The following VAMP4 variants were observed in gnomAD, a reference collection of about 807,000 sequenced individuals.
VAMP4 encodes vesicle associated membrane protein 4.
Under a neutral mutation model 23.5 loss-of-function variants are expected in VAMP4, and 19 were observed. The observed-to-expected ratio is 0.81, with a 90% CI of 0.56 to 1.19. The LOEUF is 1.19. Ranked by LOEUF, VAMP4 falls within the 50% of genes most tolerant of loss-of-function variation. The pLI, the probability that VAMP4 is intolerant of heterozygous loss-of-function variation, is 0.00. For synonymous variants in VAMP4, 31 were observed against 51.0 expected, an observed-to-expected ratio of 0.61 and a Z score of 1.67; for missense variants, 145 against 168.6, an observed-to-expected ratio of 0.86 and a Z score of 0.78.
intron 5 of VAMP4, among the ~76,000 whole-genome samples, 170 bp downstream of exon 5, chr1:171,710,544 A>G (rs1045610078): frequency 6.6e-6 from 1 of 152,104 alleles, no homozygotes; most frequent in Non-Finnish European, 1.5e-5. Context: ...AAATAATGAA[A>G]CAATAAGATG....
At chr1:171,714,226 T>A (rs1273419964) in intron 4 of VAMP4, among the ~76,000 whole-genome samples, 1 of 152,142 alleles carries the variant, frequency 6.6e-6, no homozygotes, top group Non-Finnish European at 1.5e-5. Flanking sequence ...TGGAGATAGT[T>A]TGGTTTACAA....
chr1:171,738,590 C>G (rs1286923276), intron 1 of VAMP4, 127 bp from the exon 2 acceptor site: 2 of 608,508 alleles, frequency 3.3e-6, no homozygotes, highest in African/African-American at 3.8e-5. Context: ...TTCCTGCCCT[C>G]TCACTTGTTC....
chr1:171,707,794 A>G (rs1654705181), intron 6 of VAMP4, among the ~76,000 whole-genome samples: 1 of 152,100 alleles, frequency 6.6e-6, no homozygotes. Context: ...TCCTCCTTAA[A>G]AGCACGCTAT....
intron 3 of VAMP4, among the ~76,000 whole-genome samples, chr1:171,722,880 T>G (rs1655240508): frequency 6.6e-6 from 1 of 152,106 alleles, no homozygotes; most frequent in Non-Finnish European, 1.5e-5. Flanking sequence ...AGAAATACCA[T>G]TTGACCCAGC....
intron 7 of VAMP4, among the ~76,000 whole-genome samples, chr1:171,705,708 CATAAT>C (rs1654626428): frequency 6.6e-6 from 1 of 152,042 alleles, no homozygotes; most frequent in African/African-American, 2.4e-5. Context: ...AATATAACAG[CATAAT>C]ATAATTTTTC....
intron 1 of VAMP4, among the ~76,000 whole-genome samples, chr1:171,739,106 T>C (rs945597286): frequency 1.3e-5 from 2 of 152,150 alleles, no homozygotes; most frequent in African/African-American, 2.4e-5. Flanking sequence ...GCTAATAAGA[T>C]GACTGGTAGC....
chr1:171,712,848 A>G (rs1168370400), intron 4 of VAMP4, among the ~76,000 whole-genome samples: 1 of 152,228 alleles, frequency 6.6e-6, no homozygotes, highest in African/African-American at 2.4e-5. Flanking sequence ...AACAAAACAG[A>G]TGATAATCCC....
In VAMP4 at chr1:171,731,609, C is replaced by A. The variant is rs555630210; in HGVS notation, c.67-3039G>T. 2.2e-3 allele frequency among the ~76,000 whole-genome samples: 340 copies of A among 152,254 alleles called. 2 individuals are homozygous for A. The highest frequency in any genetic ancestry group is 4.1e-3 in the Non-Finnish European group (279 of 68,008). ...TCAGGGTGAAGAGCATTCATTGCTG[C>A]AGGACTAGATGGCTGGCACAGAAAA... is the stretch of plus-strand genomic sequence containing the variant. On this transcript the variant is annotated intron_variant, in intron 2 of 7. Transcript: ENST00000236192.
chr1:171,726,821 C>CA (rs1558112259), intron 3 of VAMP4, among the ~76,000 whole-genome samples: 1 of 151,804 alleles, frequency 6.6e-6, no homozygotes, highest in African/African-American at 2.4e-5. Flanking sequence ...CTGATGCCAT[C>CA]AAAATCAAAA....
chr1:171,712,793 G>A (rs576212655), intron 4 of VAMP4, among the ~76,000 whole-genome samples: 102 of 152,280 alleles, frequency 6.7e-4, no homozygotes, highest in African/African-American at 2.2e-3. Context: ...AGCAAATAAT[G>A]AGAACCTACT....
intron 3 of VAMP4, among the ~76,000 whole-genome samples, chr1:171,721,057 T>A (rs1655178542): frequency 6.6e-6 from 1 of 152,044 alleles, no homozygotes; most frequent in Admixed American, 6.6e-5. Flanking sequence ...AAAAAAATGA[T>A]CATCTCAATA....
chr1:171,712,938 T>C (rs1397403613), intron 4 of VAMP4, among the ~76,000 whole-genome samples: 1 of 152,224 alleles, frequency 6.6e-6, no homozygotes, highest in Non-Finnish European at 1.5e-5. Context: ...CCCATTACTC[T>C]ATTTTATTTA....
intron 3 of VAMP4, among the ~76,000 whole-genome samples, chr1:171,720,267 A>G (rs1414968011): frequency 6.6e-6 from 1 of 151,974 alleles, no homozygotes; most frequent in Non-Finnish European, 1.5e-5. Flanking sequence ...GAGCTGGTCA[A>G]CCGAAAAACA....
chr1:171,740,154 A>G (rs961251507), intron 1 of VAMP4, among the ~76,000 whole-genome samples: 1 of 152,222 alleles, frequency 6.6e-6, no homozygotes, highest in African/African-American at 2.4e-5. Flanking sequence ...CACTACATTC[A>G]TTGAAACAGC....
chr1:171,734,397 C>T (rs1218731346), intron 2 of VAMP4, among the ~76,000 whole-genome samples: 4 of 151,624 alleles, frequency 2.6e-5, no homozygotes, highest in East Asian at 1.9e-4. Flanking sequence ...TTACAGAAAA[C>T]GTCCAGAATA....
chr1:171,724,671 A>T (rs1655309504), intron 3 of VAMP4, among the ~76,000 whole-genome samples: 1 of 152,192 alleles, frequency 6.6e-6, no homozygotes, highest in African/African-American at 2.4e-5. Context: ...GGTTCAATAT[A>T]ATCTCAACCA....
At chr1:171,722,290 A>G (rs1170549518) in intron 3 of VAMP4, among the ~76,000 whole-genome samples, 1 of 152,194 alleles carries the variant, frequency 6.6e-6, no homozygotes, top group Non-Finnish European at 1.5e-5. Context: ...TAAACCTAAA[A>G]CCATAAAAAC....
At chr1:171,736,164 G>A (rs1021100042) in intron 2 of VAMP4, among the ~76,000 whole-genome samples, 5 of 152,156 alleles carry the variant, frequency 3.3e-5, no homozygotes, top group African/African-American at 4.8e-5. Flanking sequence ...TGGGATTACA[G>A]GCGCGAGCCA....
chr1:171,735,915 T>A (rs966985783), intron 2 of VAMP4, among the ~76,000 whole-genome samples: 3 of 152,120 alleles, frequency 2.0e-5, no homozygotes, highest in Non-Finnish European at 2.9e-5. Flanking sequence ...GAGATGGAAT[T>A]TCACTCTGTC....
Sources: gnomAD v4.1 joint callset for allele counts (sites outside exome capture counted in the v4.1 genomes callset) on GRCh38, gnomAD v4.1.1 for gene constraint, MANE v1.5 for transcripts, NCBI Gene and HGNC (gene_info 2026-07-23, HGNC 2026-07-21) for gene names.